NT5M: variants seen among roughly 807,000 people sequenced by gnomAD.
NT5M encodes the protein 5'(3')-deoxyribonucleotidase, mitochondrial.
A neutral mutation model predicts 22.2 loss-of-function variants in NT5M; 22 were observed. The observed-to-expected ratio is 0.99, with a 90% confidence interval of 0.71 to 1.41. NT5M has a LOEUF of 1.41. Among genes scored for constraint, NT5M ranks in the 40% most tolerant of loss-of-function variants. NT5M has a pLI of 0.00. For synonymous variants in NT5M, 167 were observed against 133.0 expected, an observed-to-expected ratio of 1.26 and a Z score of -1.76; for missense variants, 322 against 314.8, an observed-to-expected ratio of 1.02 and a Z score of -0.17.
chr17:17,303,751 C>T lies in NT5M; in HGVS notation c.201C>T (p.Ile67=), dbSNP rs769657400. ...CGCGCTTTCCCGACCAGCCCTTCATCGCGCTGGAGGACCGGCGCGGCTTCT... is the reference window on the plus strand; with the variant it reads ...CGCGCTTTCCCGACCAGCCCTTCATTGCGCTGGAGGACCGGCGCGGCTTCT... ...FRARFPDQPF[I]ALEDRRGFWV... is the part of the protein sequence containing the mutation. Residue 67 remains isoleucine, a synonymous_variant, in exon 1 of 5, where the codon ATC becomes ATT. Transcript: ENST00000389022. 4.3e-5 allele frequency: 69 copies of T among 1,589,296 alleles called. No individual in the cohort carries two copies. Among genetic ancestry groups the T allele is most frequent in the Non-Finnish European group, 5.5e-5 (64 of 1,169,916 alleles).
chr17:17,330,729 T>G (rs67632718), intron 3 of NT5M, among the ~76,000 whole-genome samples: 18,603 of 139,294 alleles, frequency 0.13, 1,539 homozygotes, highest in South Asian at 0.19. Context: ...TTCTTTGCTT[T>G]CTTTCTTTCT....
chr17:17,330,742 C>CTTTTTTTT (rs58633073), intron 3 of NT5M, among the ~76,000 whole-genome samples: 22 of 118,714 alleles, frequency 1.9e-4, no homozygotes, highest in East Asian at 2.3e-4. Flanking sequence ...TTCTTTCTTT[C>CTTTTTTTT]TTTTTTTTTT....
At chr17:17,316,369 T>TTTTATTTA (rs36146846) in intron 2 of NT5M, among the ~76,000 whole-genome samples, 64 of 146,900 alleles carry the variant, frequency 4.4e-4, no homozygotes, top group African/African-American at 9.2e-4. Context: ...TAACTTAGGT[T>TTTTATTTA]TTTATTTATT....
At position 17,343,190 on chromosome 17, in the gene NT5M, G is replaced by A. The variant is rs572385245; in HGVS notation, c.430-1604G>A. ...AGAGTTCAGGGAAGGCTTAGGAGGT[G>A]GCAGCTTTAGAAGGATAGGTGCTCA... On this transcript the variant is annotated intron_variant, in intron 3 of 4. Transcript: ENST00000389022. 2.0e-5 allele frequency among the ~76,000 whole-genome samples: 3 copies of A among 152,312 alleles called. No homozygotes were observed. In the South Asian group the frequency reaches 6.2e-4, roughly 32 times the overall value.
chr17:17,345,121 AG>A (rs2049731086), intron 4 of NT5M: 3 of 998,780 alleles, frequency 3.0e-6, no homozygotes, highest in Admixed American at 3.0e-5. Context: ...TGCCAGCTCT[AG>A]GGTTAGCTTG....
In NT5M at chr17:17,347,236, G is replaced by A. The variant is rs1197610475; in HGVS notation, c.*289G>A. ...AAGCCCAGGGGCTCAGGACAGGGAGGAGTTGAGGCCACTGTTCAGGGGGCT... is the reference window on the plus strand; with the variant it reads ...AAGCCCAGGGGCTCAGGACAGGGAGAAGTTGAGGCCACTGTTCAGGGGGCT... On this transcript the variant is annotated 3_prime_UTR_variant, in exon 5 of 5. Coordinates refer to ENST00000389022, the MANE Select transcript of NT5M (RefSeq NM_020201.4). 3 of 438,818 alleles carry A rather than the reference G, an allele frequency of 6.8e-6. No individual in the cohort carries two copies. The highest frequency in any genetic ancestry group is 1.2e-5 in the Non-Finnish European group (3 of 245,108). 27.2% of individuals were successfully genotyped at this position (438,818 alleles called of 1,614,324 possible).
In NT5M at chr17:17,346,769, C is replaced by T. The variant is rs753222183; in HGVS notation, c.545-36C>T. On this transcript the variant is annotated intron_variant, in intron 4 of 4. Transcript: ENST00000389022. ...CCCTAGGCGGCTGCGCTCCAGGTCT[C>T]CACTGCTGAGCTGAATGCCGCTTTC... 4.2e-5 allele frequency: 68 copies of T among 1,603,516 alleles called. No homozygotes were observed. In the South Asian group the frequency reaches 7.4e-4, roughly 17 times the overall value.
intron 2 of NT5M, among the ~76,000 whole-genome samples, chr17:17,317,449 A>G (rs1382524025): frequency 1.3e-5 from 2 of 152,206 alleles, no homozygotes; most frequent in Non-Finnish European, 2.9e-5. Flanking sequence ...AAACATCATC[A>G]GTCATTAGGG....
intron 2 of NT5M, among the ~76,000 whole-genome samples, chr17:17,311,757 T>C (rs1399310860): frequency 1.3e-5 from 2 of 152,202 alleles, no homozygotes; most frequent in Admixed American, 6.5e-5. Context: ...GTAGACCTTA[T>C]TTGGTAGTAA....
intron 2 of NT5M, among the ~76,000 whole-genome samples, chr17:17,316,260 G>T (rs1453021464): frequency 6.6e-6 from 1 of 151,876 alleles, no homozygotes; most frequent in Non-Finnish European, 1.5e-5. Flanking sequence ...TTTTCACCAT[G>T]TTGGCCAGGC....
intron 3 of NT5M, among the ~76,000 whole-genome samples, chr17:17,341,210 A>G (rs2049634715): frequency 6.6e-6 from 1 of 152,150 alleles, no homozygotes; most frequent in Non-Finnish European, 1.5e-5. Context: ...TAGTTTGCCA[A>G]ATTAACAGTT....
chr17:17,308,904 A>C (rs1380478927), intron 2 of NT5M, among the ~76,000 whole-genome samples: 2 of 152,166 alleles, frequency 1.3e-5, no homozygotes, highest in African/African-American at 4.8e-5. Context: ...TTCAAGGTTC[A>C]TTCATGTTGC....
chr17:17,311,063 G>A (rs1026747465), intron 2 of NT5M, among the ~76,000 whole-genome samples: 7 of 151,838 alleles, frequency 4.6e-5, no homozygotes, highest in Non-Finnish European at 7.4e-5. Flanking sequence ...TGGGCCGGGC[G>A]CGGTGGCTCA....
chr17:17,343,695 TTC>T (rs1398695438), intron 3 of NT5M, among the ~76,000 whole-genome samples: 6 of 152,036 alleles, frequency 3.9e-5, no homozygotes, highest in Admixed American at 3.3e-4. Flanking sequence ...CACTCAGTGT[TTC>T]TGTTTGTTTA....
intron 2 of NT5M, among the ~76,000 whole-genome samples, chr17:17,321,872 A>G (rs1306467856): frequency 6.6e-6 from 1 of 151,876 alleles, no homozygotes; most frequent in Non-Finnish European, 1.5e-5. Context: ...ACAGAATGAG[A>G]TAATGCATTT....
At chr17:17,337,786 A>G (rs1048689397) in intron 3 of NT5M, among the ~76,000 whole-genome samples, 2 of 152,174 alleles carry the variant, frequency 1.3e-5, no homozygotes, top group African/African-American at 4.8e-5. Flanking sequence ...TTGACTCCTT[A>G]TGTATTCTGG....
chr17:17,308,042 CTCTG>C (rs71152864), intron 2 of NT5M, among the ~76,000 whole-genome samples: 17,876 of 151,974 alleles, frequency 0.12, 1,150 homozygotes, highest in Non-Finnish European at 0.14. Flanking sequence ...AAGATTGAAA[CTCTG>C]TCTCAAAAAA....
rs1239065469 is a variant in NT5M, at chr17:17,303,616, C to G, written c.66C>G (p.Arg22=). 1 of 1,280,240 alleles carries G rather than the reference C, an allele frequency of 7.8e-7. No homozygotes were observed. Among genetic ancestry groups the G allele is most frequent in the South Asian group, 2.9e-5 (1 of 34,870 alleles). The allele number at this position is 1,280,240 out of a possible 1,614,324, so 79.3% of individuals were successfully genotyped here. The change falls in exon 1 of 5, where the codon CGC becomes CGG. Residue 22 remains arginine, a synonymous_variant. Transcript: ENST00000389022. The stretch of plus-strand genomic sequence containing the variant: ...GCGCGGCGGTTCCCGCGGGGCGGCG[C>G]GGGGCGGCGGGCGGGCTGGGCCTGG... ...LCSAAVPAGR[R]GAAGGLGLAG... is the part of the protein sequence containing the mutation.
At chr17:17,343,623 C>T (rs2049694838) in intron 3 of NT5M, among the ~76,000 whole-genome samples, 1 of 152,154 alleles carries the variant, frequency 6.6e-6, no homozygotes, top group African/African-American at 2.4e-5. Context: ...CCTGGGAGGG[C>T]AAGGACCTGC....
Sources: gnomAD v4.1 joint callset for allele counts (sites outside exome capture counted in the v4.1 genomes callset) on GRCh38, gnomAD v4.1.1 for gene constraint, MANE v1.5 for transcripts, NCBI Gene and HGNC (gene_info 2026-07-23, HGNC 2026-07-21) for gene names.